TLE4: variants seen among roughly 807,000 people sequenced by gnomAD.
The protein encoded by TLE4 is transducin-like enhancer protein 4.
In TLE4, 8 loss-of-function variants were observed where a neutral mutation model predicts 92.8. The observed-to-expected ratio is 0.09, with a 90% confidence interval of 0.05 to 0.16. TLE4 has a LOEUF of 0.16. Among genes scored for constraint, TLE4 ranks in the 10% least tolerant of loss-of-function variants. The pLI is 1.00. For missense variants in TLE4, 675 were observed against 997.6 expected (o/e 0.68, Z 4.36); for synonymous variants, 371 against 374.1 (o/e 0.99, Z 0.10).
chr9:79,574,061 T>C (rs992830027), intron 2 of TLE4: 17 of 247,340 alleles, frequency 6.9e-5, no homozygotes, highest in African/African-American at 4.4e-5. Context: ...TATTGATTTA[T>C]TGGGGCCGGG....
chr9:79,683,887 G>A (rs758527127), intron 8 of TLE4, among the ~76,000 whole-genome samples: 2 of 152,176 alleles, frequency 1.3e-5, no homozygotes, highest in Admixed American at 6.5e-5. Context: ...ATGATGAAAC[G>A]TGCAGAAATG....
intron 8 of TLE4, among the ~76,000 whole-genome samples, chr9:79,683,516 G>A (rs954272959): frequency 6.6e-6 from 1 of 152,134 alleles, no homozygotes; most frequent in Non-Finnish European, 1.5e-5. Context: ...AATGATCCAT[G>A]TCTAAATTAT....
At chr9:79,683,138 T>C (rs1054024045) in intron 8 of TLE4, among the ~76,000 whole-genome samples, 19 of 152,216 alleles carry the variant, frequency 1.2e-4, no homozygotes, top group African/African-American at 4.6e-4. Flanking sequence ...TCAAACACTT[T>C]ACACAAAAAG....
intron 8 of TLE4, among the ~76,000 whole-genome samples, chr9:79,667,280 G>T (rs994283038): frequency 2.0e-5 from 3 of 152,186 alleles, no homozygotes; most frequent in African/African-American, 7.2e-5. Context: ...ATGCCCCCTT[G>T]GTCTTACAGG....
chr9:79,599,783 T>A (rs991957732), intron 4 of TLE4, among the ~76,000 whole-genome samples: 1 of 152,224 alleles, frequency 6.6e-6, no homozygotes, highest in Non-Finnish European at 1.5e-5. Context: ...ACTTCTCAAC[T>A]TTTGAGTCAC....
intron 8 of TLE4, among the ~76,000 whole-genome samples, chr9:79,685,034 G>A (rs1057345143): frequency 6.6e-6 from 1 of 152,176 alleles, no homozygotes; most frequent in African/African-American, 2.4e-5. Flanking sequence ...GGTAATTTCA[G>A]TGCTTCCCTT....
At chr9:79,605,384 A>G (rs955848543) in intron 4 of TLE4, among the ~76,000 whole-genome samples, 2 of 152,050 alleles carry the variant, frequency 1.3e-5, no homozygotes, top group African/African-American at 4.8e-5. Flanking sequence ...AAGTAACTGG[A>G]TGTCTGGCAC....
At chr9:79,693,482 G>C (rs548258725) in intron 8 of TLE4, among the ~76,000 whole-genome samples, 1 of 152,116 alleles carries the variant, frequency 6.6e-6, no homozygotes, top group Non-Finnish European at 1.5e-5. Context: ...TACGCATTAG[G>C]TTGTGGGATC....
At chr9:79,701,754 A>T (rs890403305) in intron 8 of TLE4, among the ~76,000 whole-genome samples, 1 of 152,170 alleles carries the variant, frequency 6.6e-6, no homozygotes, top group Non-Finnish European at 1.5e-5. Flanking sequence ...ATGTATCATA[A>T]GAGATTTGGA....
intron 4 of TLE4, among the ~76,000 whole-genome samples, chr9:79,591,715 G>A (rs2791573): frequency 0.31 from 47,290 of 151,970 alleles, 8,688 homozygotes; most frequent in African/African-American, 0.52. Context: ...ATTTCATTGG[G>A]TGAGGAGTAT....
intron 14 of TLE4, among the ~76,000 whole-genome samples, chr9:79,710,616 A>G (rs935145056): frequency 3.9e-5 from 6 of 152,008 alleles, no homozygotes; most frequent in African/African-American, 1.5e-4. Context: ...GCCTGCCTTG[A>G]GGTATTTTGT....
chr9:79,682,201 T>C (rs1426003795), intron 8 of TLE4, among the ~76,000 whole-genome samples: 1 of 152,180 alleles, frequency 6.6e-6, no homozygotes, highest in Non-Finnish European at 1.5e-5. Flanking sequence ...TCCACTATTC[T>C]GAAATCCAGA....
At position 79,698,031 on chromosome 9, in the gene TLE4, G is replaced by A. The variant is rs112687998; in HGVS notation, c.610-6752G>A. Among the ~76,000 whole-genome samples the A allele has an allele frequency of 1.6e-3, 243 of 152,300 alleles. 1 individual carries two copies. The highest frequency in any genetic ancestry group is 4.5e-3 in the African/African-American group (186 of 41,576). On this transcript the variant is annotated intron_variant, in intron 8 of 19. Transcript: ENST00000376552. Reference sequence around the variant, plus strand: ...GCGGTTGTTTCCACATTTGCCAAAAGGGAATAGCTGTCTATGGGGGCTTAC... The same window carrying A: ...GCGGTTGTTTCCACATTTGCCAAAAAGGAATAGCTGTCTATGGGGGCTTAC...
chr9:79,628,777 G>A (rs1249805375), intron 6 of TLE4, among the ~76,000 whole-genome samples: 2 of 151,904 alleles, frequency 1.3e-5, no homozygotes, highest in Non-Finnish European at 2.9e-5. Flanking sequence ...TAGTAGAGAC[G>A]AATACATTTC....
At chr9:79,615,609 G>A (rs2049366819) in intron 5 of TLE4, among the ~76,000 whole-genome samples, 2 of 151,306 alleles carry the variant, frequency 1.3e-5, no homozygotes, top group South Asian at 4.2e-4. Flanking sequence ...GCTTAATATT[G>A]CTTGCGTCTG....
intron 6 of TLE4, among the ~76,000 whole-genome samples, chr9:79,628,617 GA>G (rs2053322645): frequency 6.6e-6 from 1 of 151,886 alleles, no homozygotes; most frequent in Non-Finnish European, 1.5e-5. Flanking sequence ...AACCTGGTAG[GA>G]AATTAGCAGA....
intron 8 of TLE4, among the ~76,000 whole-genome samples, chr9:79,658,618 A>G (rs1359773180): frequency 2.0e-5 from 3 of 152,202 alleles, no homozygotes; most frequent in Admixed American, 2.0e-4. Flanking sequence ...CCAAGAAAGC[A>G]CTTTTGCCTC....
chr9:79,674,050 G>A (rs1012666641), intron 8 of TLE4, among the ~76,000 whole-genome samples: 1 of 152,178 alleles, frequency 6.6e-6, no homozygotes, highest in East Asian at 1.9e-4. Flanking sequence ...CCCTCCAAGT[G>A]GGGATCCCTT....
chr9:79,648,269 C>CT (rs2058408754), intron 6 of TLE4, among the ~76,000 whole-genome samples: 1 of 152,140 alleles, frequency 6.6e-6, no homozygotes, highest in Admixed American at 6.5e-5. Flanking sequence ...GGGAACTGAG[C>CT]TAGGTGCCAG....
Sources: gnomAD v4.1 joint callset for allele counts (sites outside exome capture counted in the v4.1 genomes callset) on GRCh38, gnomAD v4.1.1 for gene constraint, MANE v1.5 for transcripts, NCBI Gene and HGNC (gene_info 2026-07-23, HGNC 2026-07-21) for gene names.